The following IGHMBP2 variants were observed in gnomAD, a reference collection of about 807,000 sequenced individuals.
The protein encoded by IGHMBP2 is DNA-binding protein SMUBP-2.
A neutral mutation model predicts 96.0 loss-of-function variants in IGHMBP2; 81 were observed. The observed-to-expected ratio is 0.84, with a 90% CI of 0.71 to 1.01. The LOEUF (loss-of-function observed/expected upper bound fraction) is 1.01. IGHMBP2 is among the 50% of genes least tolerant of loss of function. IGHMBP2 has a pLI of 0.00. For synonymous variants in IGHMBP2, 557 were observed against 548.9 expected (o/e 1.01, Z -0.21); for missense variants, 1,227 against 1,306.3 (o/e 0.94, Z 0.94).
intron 11 of IGHMBP2, 137 bp from the exon 12 acceptor site, chr11:68,935,162 C>G: frequency 8.7e-7 from 1 of 1,143,616 alleles, no homozygotes; most frequent in Non-Finnish European, 1.3e-6. Flanking sequence ...GAAGCCTTTC[C>G]CCATGGGGCT....
chr11:68,923,990 C>G (rs766036259), intron 7 of IGHMBP2, among the ~76,000 whole-genome samples: 1 of 152,196 alleles, frequency 6.6e-6, no homozygotes, highest in Non-Finnish European at 1.5e-5. Context: ...TCTCTGTACT[C>G]TCTCCTGGAA....
intron 1 of IGHMBP2, among the ~76,000 whole-genome samples, chr11:68,905,258 T>C (rs1275033722): frequency 6.6e-6 from 1 of 152,258 alleles, no homozygotes; most frequent in Non-Finnish European, 1.5e-5. Flanking sequence ...TTGTCTGAGA[T>C]GCTTTTGATC....
chr11:68,908,058 A>C, intron 2 of IGHMBP2, 87 bp from the exon 3 acceptor site: 2 of 1,082,036 alleles, frequency 1.8e-6, no homozygotes, highest in Non-Finnish European at 2.9e-6. Flanking sequence ...CAAAGATAAA[A>C]TATTTGAAGT....
rs779639460 is a variant in IGHMBP2 at position 68,911,571 on chromosome 11, A to G, written c.679A>G (p.Ile227Val). The change falls in exon 5 of 15, where the codon ATC becomes GTC. Residue 227 changes from isoleucine (I) to valine (V), a missense_variant. Transcript: ENST00000255078. ...GTGKTTTVVEIILQAVKQGLK... is the reference protein window; with the variant it reads ...GTGKTTTVVEVILQAVKQGLK... ...TGGGAAAACCACGACTGTGGTTGAG[A>G]TCATTCTTCAAGCTGTGAAACAAGG... 20 of 1,614,086 alleles carry G rather than the reference A, an allele frequency of 1.2e-5. No homozygotes were observed. In the Admixed American group the frequency reaches 3.0e-4, roughly 24 times the overall value.
chr11:68,933,637 G>C, intron 9 of IGHMBP2, 156 bp downstream of exon 9: 1 of 1,068,276 alleles, frequency 9.4e-7, no homozygotes, highest in South Asian at 1.4e-5. Context: ...GCCCTGGAGA[G>C]CTGGGTCAGG....
Position 68,936,854 on chromosome 11 carries a change from GC to G in IGHMBP2, c.2377del (p.Leu793TrpfsTer38). The G allele has an allele frequency of 6.2e-7, 1 of 1,613,184 alleles. No individual in the cohort carries two copies. Among genetic ancestry groups the G allele is most frequent in the Non-Finnish European group, 8.5e-7 (1 of 1,179,920 alleles). On this transcript the variant is annotated frameshift_variant, in exon 13 of 15. Coordinates refer to ENST00000255078, the MANE Select transcript of IGHMBP2 (RefSeq NM_002180.3). LOFTEE classifies it high-confidence loss of function. Reference sequence around the variant, plus strand: ...CAAGAGGGCCCCGCGACCCCGAGCAGCCCTGGGACCCCCAGCAGGGACCGGT... The same window carrying G: ...CAAGAGGGCCCCGCGACCCCGAGCAGCCTGGGACCCCCAGCAGGGACCGGT... ...VSKRAPRPRA[A>X]LGPPAGTGGP...
In IGHMBP2 at chr11:68,933,425, C is replaced by T. The variant is rs143134727; in HGVS notation, c.1362C>T (p.Asp454=). Residue 454 remains aspartate (D), a synonymous_variant, in exon 9 of 15, where the codon GAC becomes GAT. Coordinates refer to ENST00000255078, the MANE Select transcript of IGHMBP2 (RefSeq NM_002180.3). ...MHQAIMRWAS[D]TMYLGQLTAH... is the part of the protein sequence containing the mutation. Reference sequence around the variant, plus strand: ...AGGCTATCATGCGCTGGGCCTCAGACACCATGTACCTTGGGCAGCTCACAG... The same window carrying T: ...AGGCTATCATGCGCTGGGCCTCAGATACCATGTACCTTGGGCAGCTCACAG... The T allele has an allele frequency of 6.2e-6, 10 of 1,613,252 alleles. No individual in the cohort carries two copies. The African/African-American group carries it at 1.2e-4, about 19-fold the overall frequency.
Position 68,934,531 on chromosome 11 carries a change from T to G in IGHMBP2, c.1605T>G (p.Ile535Met), listed in dbSNP as rs1225363387. 1.2e-5 allele frequency: 20 copies of G among 1,612,710 alleles called. No individual in the cohort carries two copies. Among genetic ancestry groups the G allele is most frequent in the Non-Finnish European group, 1.7e-5 (20 of 1,179,412 alleles). ...LVDAGVPARDIAVVSPYNLQV... is the reference protein window; with the variant it reads ...LVDAGVPARDMAVVSPYNLQV... Reference sequence around the variant, plus strand: ...ACGCTGGTGTTCCAGCCCGTGACATTGCTGTGGTCTCGCCATACAACCTCC... The same window carrying G: ...ACGCTGGTGTTCCAGCCCGTGACATGGCTGTGGTCTCGCCATACAACCTCC... The change falls in exon 11 of 15, where the codon ATT becomes ATG. Residue 535 changes from isoleucine to methionine, a missense_variant. Physicochemically the swap from Ile to Met is conservative, Grantham distance 10. Coordinates refer to ENST00000255078, the MANE Select transcript of IGHMBP2 (RefSeq NM_002180.3).
At position 68,917,891 on chromosome 11, in the gene IGHMBP2, G is replaced by T. The variant is rs201147313; in HGVS notation, c.1060+8G>T. On this transcript the variant is annotated splice_region_variant and intron_variant, in intron 7 of 14. Coordinates refer to ENST00000255078, the MANE Select transcript of IGHMBP2 (RefSeq NM_002180.3). The stretch of plus-strand genomic sequence containing the variant: ...TCCTTGCAACAAACACAGGTGAGGG[G>T]GCGTCTCCATCCTGCCTGTGTGGCC... 1.1e-3 allele frequency: 1,846 copies of T among 1,613,742 alleles called. 2 individuals are homozygous for T. Among genetic ancestry groups the T allele is most frequent in the Non-Finnish European group, 1.4e-3 (1,692 of 1,179,882 alleles).
intron 5 of IGHMBP2, among the ~76,000 whole-genome samples, chr11:68,913,103 C>T (rs1378772620): frequency 3.6e-5 from 5 of 137,574 alleles, no homozygotes; most frequent in African/African-American, 1.4e-4. Flanking sequence ...GAAACAAGGT[C>T]AAATGCCCAG....
Position 68,936,367 on chromosome 11 carries a change from T to G in IGHMBP2, c.1887T>G (p.Tyr629Ter). 6.2e-7 allele frequency: 1 copy of G among 1,614,166 alleles called. No homozygotes were observed. The highest frequency in any genetic ancestry group is 8.5e-7 in the Non-Finnish European group (1 of 1,180,042). The part of the protein sequence containing the change: ...NHAFLKTLVE[Y>*]FTQHGEVRTA... ...CATTTTTGAAGACCCTGGTGGAGTATTTCACACAGCATGGGGAAGTACGCA... is the reference window on the plus strand; with the variant it reads ...CATTTTTGAAGACCCTGGTGGAGTAGTTCACACAGCATGGGGAAGTACGCA... The change falls in exon 13 of 15, where the codon TAT becomes TAG. Residue 629 changes from tyrosine to a stop codon, truncating the protein, a stop_gained. Transcript: ENST00000255078. LOFTEE classifies it high-confidence loss of function.
intron 7 of IGHMBP2, among the ~76,000 whole-genome samples, chr11:68,925,580 C>T (rs939009402): frequency 5.3e-5 from 8 of 152,134 alleles, no homozygotes; most frequent in Middle Eastern, 3.2e-3. Context: ...GCCTTTATTT[C>T]TTCATGTAGA....
In IGHMBP2 at chr11:68,933,469, G is replaced by A; in HGVS notation, c.1406G>A (p.Arg469Lys). The A allele has an allele frequency of 6.2e-7, 1 of 1,612,370 alleles. No homozygotes were observed. Among genetic ancestry groups the A allele is most frequent in the Non-Finnish European group, 8.5e-7 (1 of 1,179,600 alleles). ...CTCACAGCCCACTCTTCCGTGGCAAGGCACCTCCTGAGGTGAGTAGCTCGG... is the reference window on the plus strand; with the variant it reads ...CTCACAGCCCACTCTTCCGTGGCAAAGCACCTCCTGAGGTGAGTAGCTCGG... ...GQLTAHSSVA[R>K]HLLRDLPGVA... The change falls in exon 9 of 15, where the codon AGG (arginine) becomes AAG (lysine). Residue 469 changes from arginine (R) to lysine (K), a missense_variant. Arg to Lys is a conservative substitution (Grantham distance 26). Coordinates refer to ENST00000255078, the MANE Select transcript of IGHMBP2 (RefSeq NM_002180.3).
At chr11:68,939,401 A>T in intron 14 of IGHMBP2, 133 bp from the exon 15 acceptor site, 1 of 920,564 alleles carries the variant, frequency 1.1e-6, no homozygotes, top group Non-Finnish European at 1.7e-6. Context: ...TGCAGGGTGA[A>T]GGACTGACAT....
chr11:68,933,916 G>A lies in IGHMBP2; in HGVS notation c.1537+3G>A. On this transcript the variant is annotated splice_donor_region_variant and intron_variant, in intron 10 of 14. Transcript: ENST00000255078. ...CGAACAGTCGAAAGGGAACCCTGGT[G>A]AGCTTGCTTGCAGATGGCCAGCTTT... The A allele has an allele frequency of 1.3e-5, 21 of 1,579,172 alleles. No homozygotes were observed. The highest frequency in any genetic ancestry group is 1.8e-5 in the Non-Finnish European group (21 of 1,158,604).
In IGHMBP2 at chr11:68,933,827, C is replaced by T. The variant is rs1170552394; in HGVS notation, c.1451C>T (p.Thr484Met). The part of the protein sequence containing the change: ...DLPGVAATEE[T>M]GVPLLLVDTA... ...CCAGGTGTGGCTGCCACAGAAGAGACGGGTGTGCCCCTGCTCTTGGTGGAC... is the reference window on the plus strand; with the variant it reads ...CCAGGTGTGGCTGCCACAGAAGAGATGGGTGTGCCCCTGCTCTTGGTGGAC... The change falls in exon 10 of 15, where the codon ACG becomes ATG. Residue 484 changes from threonine to methionine, a missense_variant. By Grantham distance (81) the Thr-to-Met change is moderately conservative. Transcript: ENST00000255078. The T allele has an allele frequency of 2.2e-5, 36 of 1,612,350 alleles. No individual in the cohort carries two copies. Among genetic ancestry groups the T allele is most frequent in the Middle Eastern group, 1.6e-4 (1 of 6,080 alleles).
Position 68,909,470 on chromosome 11 carries a change from G to A in IGHMBP2, c.547+839G>A, listed in dbSNP as rs539797270. Among the ~76,000 whole-genome samples the A allele has an allele frequency of 2.6e-5, 4 of 152,012 alleles. No individual in the cohort carries two copies. In the East Asian group the frequency reaches 5.8e-4, roughly 22 times the overall value. On this transcript the variant is annotated intron_variant, in intron 4 of 14. Transcript: ENST00000255078. ...GTTGGGATTACAGGCATGAGCTACC[G>A]TGCCTAGCCTCCATTGAGTTTTAAA...
chr11:68,919,058 T>C (rs996121140), intron 7 of IGHMBP2, among the ~76,000 whole-genome samples: 7 of 152,232 alleles, frequency 4.6e-5, no homozygotes, highest in African/African-American at 1.7e-4. Flanking sequence ...TGATCTGTTA[T>C]ATTTCATTCA....
chr11:68,931,806 G>A (rs902385734), intron 8 of IGHMBP2, among the ~76,000 whole-genome samples: 6 of 152,232 alleles, frequency 3.9e-5, no homozygotes, highest in Non-Finnish European at 7.3e-5. Context: ...CCTCTGGAAA[G>A]CCTTTGGGTG....
Sources: allele counts gnomAD v4.1 joint callset (sites outside exome capture counted in the v4.1 genomes callset), GRCh38; gene constraint gnomAD v4.1.1; transcripts MANE v1.5; gene names NCBI Gene and HGNC (gene_info 2026-07-23, HGNC 2026-07-21).